Variants in ZBTB48 observed in about 807,000 individuals in gnomAD.
ZBTB48 encodes the protein zinc finger and BTB domain-containing protein 48.
A neutral mutation model predicts 64.5 loss-of-function variants in ZBTB48; 35 were observed. That is an observed-to-expected ratio of 0.54 (90% CI 0.41 to 0.72). The LOEUF is 0.72. Ranked by LOEUF, ZBTB48 falls within the 30% of genes least tolerant of loss-of-function variation. The probability of loss-of-function intolerance (pLI) is 0.00; values close to 1 mark genes in which losing one functional copy is unlikely to be tolerated. For missense variants in ZBTB48, 828 were observed against 895.3 expected (o/e 0.92, Z 0.96); for synonymous variants, 442 against 356.7 (o/e 1.24, Z -2.70).
chr1:6,585,673 C>T, intron 3 of ZBTB48: 1 of 515,934 alleles, frequency 1.9e-6, no homozygotes, highest in South Asian at 2.4e-5. Flanking sequence ...CTGGGCCTCC[C>T]TGTCGGCCTC....
rs549856943 is a variant in ZBTB48 at position 6,584,193 on chromosome 1, C to T, written c.933-1726C>T. ...CTTCCCAAAGTGCTGGGATTACAGG[C>T]GAGAGCCACCGTGCCCAGCCCCCAG... On this transcript the variant is annotated intron_variant, in intron 3 of 10. Coordinates refer to ENST00000377674, the MANE Select transcript of ZBTB48 (RefSeq NM_005341.4). The surrounding 1 kb of genome is among the most constrained non-coding windows in gnomAD (Gnocchi z 4.5). 3.9e-5 allele frequency among the ~76,000 whole-genome samples: 6 copies of T among 152,298 alleles called. No homozygotes were observed. Among genetic ancestry groups the T allele is most frequent in the African/African-American group, 7.2e-5 (3 of 41,560 alleles).
At chr1:6,585,442 T>C (rs1233401737) in intron 3 of ZBTB48, 1 of 176,682 alleles carries the variant, frequency 5.7e-6, no homozygotes, top group African/African-American at 2.3e-5. Context: ...TAAAGGTCCT[T>C]CTGGCTCCTG....
At position 6,587,230 on chromosome 1, in the gene ZBTB48, T is replaced by C. The variant is rs755132170; in HGVS notation, c.1163T>C (p.Met388Thr). ...YKCSSCSQQF[M>T]QKKDLQSHMI... ...TGTTCCTCCTGCTCCCAGCAGTTCA[T>C]GCAGAAGAAGGACTTGCAGAGCCAC... The change falls in exon 6 of 11, where the codon ATG (methionine) becomes ACG (threonine). Residue 388 changes from methionine to threonine, a missense_variant. Met to Thr is a moderately conservative substitution (Grantham distance 81, BLOSUM62 -1). Coordinates refer to ENST00000377674, the MANE Select transcript of ZBTB48 (RefSeq NM_005341.4). The C allele has an allele frequency of 1.9e-6, 3 of 1,613,902 alleles. No homozygotes were observed. The highest frequency in any genetic ancestry group is 2.5e-6 in the Non-Finnish European group (3 of 1,180,026).
At chr1:6,582,756 CAGT>C (rs1229953120) in intron 3 of ZBTB48, among the ~76,000 whole-genome samples, 1 of 152,210 alleles carries the variant, frequency 6.6e-6, no homozygotes, top group Non-Finnish European at 1.5e-5. Flanking sequence ...TCTGGGGTGT[CAGT>C]GGGGCATTCA....
chr1:6,581,775 C>G (rs1186988372), intron 2 of ZBTB48, among the ~76,000 whole-genome samples: 1 of 152,200 alleles, frequency 6.6e-6, no homozygotes, highest in Non-Finnish European at 1.5e-5. Context: ...CTGCAAGCCC[C>G]AGCTGTTCAC....
At chr1:6,583,351 A>C (rs1640539510) in intron 3 of ZBTB48, among the ~76,000 whole-genome samples, 1 of 151,700 alleles carries the variant, frequency 6.6e-6, no homozygotes, top group African/African-American at 2.4e-5. Flanking sequence ...GCCAGGCTGG[A>C]GTGCAGTGGC....
At chr1:6,585,759 T>C in intron 3 of ZBTB48, 160 bp from the exon 4 acceptor site, 1 of 653,748 alleles carries the variant, frequency 1.5e-6, no homozygotes, top group Non-Finnish European at 2.7e-6. Context: ...TTGCAGAGTC[T>C]CCATGCTGGG....
intron 3 of ZBTB48, among the ~76,000 whole-genome samples, chr1:6,585,052 G>C (rs1301735007): frequency 6.6e-6 from 1 of 152,202 alleles, no homozygotes; most frequent in South Asian, 2.1e-4. Flanking sequence ...AAGTGCTGCC[G>C]AAGAAGAAAA....
In ZBTB48 at chr1:6,587,196, C is replaced by G. The variant is rs370616105; in HGVS notation, c.1138-9C>G. On this transcript the variant is annotated splice_polypyrimidine_tract_variant and intron_variant, in intron 5 of 10. Transcript: ENST00000377674. The stretch of plus-strand genomic sequence containing the variant: ...CCGCCCTGGAGGTGACTGTGGGCCT[C>G]TTTTTCAGTGTTCCTCCTGCTCCCA... 2.9e-5 allele frequency: 47 copies of G among 1,613,804 alleles called. No homozygotes were observed. Among genetic ancestry groups the G allele is most frequent in the Admixed American group, 1.2e-4 (7 of 59,990 alleles).
At position 6,582,104 on chromosome 1, in the gene ZBTB48, T is replaced by A; in HGVS notation, c.737T>A (p.Met246Lys). The change falls in exon 3 of 11, where the codon ATG (methionine) becomes AAG (lysine). Residue 246 changes from methionine (M) to lysine (K), a missense_variant. Met to Lys is a moderately conservative substitution (Grantham distance 95). Coordinates refer to ENST00000377674, the MANE Select transcript of ZBTB48 (RefSeq NM_005341.4). Reference protein sequence around the residue: ...QVEDDGDGDYMSEPEAVLTRR... With the variant: ...QVEDDGDGDYKSEPEAVLTRR... ...GAGGATGATGGGGATGGCGATTACA[T>A]GTCTGAGCCTGAGGCTGTGCTGACC... 3 of 1,614,172 alleles carry A rather than the reference T, an allele frequency of 1.9e-6. No individual in the cohort carries two copies. The highest frequency in any genetic ancestry group is 2.5e-6 in the Non-Finnish European group (3 of 1,180,032).
intron 3 of ZBTB48, among the ~76,000 whole-genome samples, chr1:6,582,924 C>T (rs1462476288): frequency 1.3e-5 from 2 of 152,266 alleles, no homozygotes; most frequent in African/African-American, 4.8e-5. Context: ...CCCACCCTGG[C>T]CTCCCAAAGT....
Position 6,587,648 on chromosome 1 carries a change from T to G in ZBTB48, c.1379+16T>G. 1.2e-6 allele frequency: 2 copies of G among 1,611,626 alleles called. No homozygotes were observed. Among genetic ancestry groups the G allele is most frequent in the Non-Finnish European group, 1.7e-6 (2 of 1,179,950 alleles). ...CCAAGCACAGGTGCGTGTCGCCCGT[T>G]CTCTCTTGGGGCCCAGTCCTGCTGC... is the stretch of plus-strand genomic sequence containing the variant. On this transcript the variant is annotated intron_variant, in intron 7 of 10. Coordinates refer to ENST00000377674, the MANE Select transcript of ZBTB48 (RefSeq NM_005341.4).
At chr1:6,587,399 T>C in intron 6 of ZBTB48, 79 bp from the exon 7 acceptor site, 1 of 1,607,800 alleles carries the variant, frequency 6.2e-7, no homozygotes, top group East Asian at 2.2e-5. Flanking sequence ...GGGGGGGTGC[T>C]TGTGGGTCTC....
Position 6,580,426 on chromosome 1 carries a change from TGTCA to T in ZBTB48, c.-69-112_-69-109del, listed in dbSNP as rs1640396611. 1.6e-6 allele frequency: 1 copy of T among 634,932 alleles called. No homozygotes were observed. Among genetic ancestry groups the T allele is most frequent in the Non-Finnish European group, 2.7e-6 (1 of 373,946 alleles). The allele number at this position is 634,932 out of a possible 1,614,324, so 39.3% of individuals were successfully genotyped here. A position where few individuals can be genotyped will look rare whatever the true frequency, so the allele number is the denominator to read the frequency against. Reference sequence around the variant, plus strand: ...ATATGGCCCCCGGCCCCCGGGAGGCTGTCAGTGTGTTCCAGCCCTCCGCGTGCAC... The same window carrying T: ...ATATGGCCCCCGGCCCCCGGGAGGCTGTGTGTTCCAGCCCTCCGCGTGCAC... On this transcript the variant is annotated intron_variant, in intron 1 of 10. Coordinates refer to ENST00000377674, the MANE Select transcript of ZBTB48 (RefSeq NM_005341.4). This position sits in a 1 kb window ranked among gnomAD's most constrained non-coding sequence, Gnocchi z 5.2.
Position 6,580,532 on chromosome 1 carries a change from T to C in ZBTB48, c.-69-9T>C, listed in dbSNP as rs979550082. On this transcript the variant is annotated splice_polypyrimidine_tract_variant and intron_variant, in intron 1 of 10. Coordinates refer to ENST00000377674, the MANE Select transcript of ZBTB48 (RefSeq NM_005341.4). This position sits in a 1 kb window ranked among gnomAD's most constrained non-coding sequence, Gnocchi z 5.2. Reference sequence around the variant, plus strand: ...AGGCCAACTTCCCGTTTCTCTCTCTTGACTCCAGGAGCTTTCTCTTGCATA... The same window carrying C: ...AGGCCAACTTCCCGTTTCTCTCTCTCGACTCCAGGAGCTTTCTCTTGCATA... 1 of 1,462,616 alleles carries C rather than the reference T, an allele frequency of 6.8e-7. No homozygotes were observed. Among genetic ancestry groups the C allele is most frequent in the Non-Finnish European group, 9.2e-7 (1 of 1,081,374 alleles). 90.6% of individuals were successfully genotyped at this position (1,462,616 alleles called of 1,614,324 possible).
At chr1:6,587,071 A>C in intron 5 of ZBTB48, 134 bp from the exon 6 acceptor site, 1 of 1,023,012 alleles carries the variant, frequency 9.8e-7, no homozygotes, top group Non-Finnish European at 1.5e-6. Flanking sequence ...ACCATCCTTC[A>C]CACCAGATCA....
At chr1:6,586,353 C>A (rs1299800559) in intron 4 of ZBTB48, 6 of 496,436 alleles carry the variant, frequency 1.2e-5, no homozygotes, top group Non-Finnish European at 1.8e-5. Flanking sequence ...CCTGGCCACC[C>A]CCAGCAACCC....
chr1:6,582,818 C>G (rs1300709201), intron 3 of ZBTB48, among the ~76,000 whole-genome samples: 1 of 152,190 alleles, frequency 6.6e-6, no homozygotes, highest in African/African-American at 2.4e-5. Context: ...CCAGGAACTC[C>G]AGGAGCTATT....
rs752760504 is a variant in ZBTB48, at chr1:6,587,238, A to G, written c.1171A>G (p.Lys391Glu). 5.6e-6 allele frequency: 9 copies of G among 1,614,048 alleles called. No homozygotes were observed. The highest frequency in any genetic ancestry group is 1.7e-5 in the Admixed American group (1 of 60,022). Reference sequence around the variant, plus strand: ...CTGCTCCCAGCAGTTCATGCAGAAGAAGGACTTGCAGAGCCACATGATCAA... The same window carrying G: ...CTGCTCCCAGCAGTTCATGCAGAAGGAGGACTTGCAGAGCCACATGATCAA... ...SSCSQQFMQK[K>E]DLQSHMIKLH... The change falls in exon 6 of 11, where the codon AAG (lysine) becomes GAG (glutamate). Residue 391 changes from lysine to glutamate, a missense_variant. Transcript: ENST00000377674.
Sources: allele counts gnomAD v4.1 joint callset (sites outside exome capture counted in the v4.1 genomes callset), GRCh38; gene constraint gnomAD v4.1.1; non-coding constraint Gnocchi (gnomAD v3.1); transcripts MANE v1.5; gene names NCBI Gene and HGNC (gene_info 2026-07-23, HGNC 2026-07-21).